Variants in DENND1B observed in about 807,000 individuals in gnomAD.
DENND1B encodes the protein DENN domain containing 1B, also known as DENN domain-containing protein 1B.
In DENND1B, 59 loss-of-function variants were observed where a neutral mutation model predicts 90.1. That is an observed-to-expected ratio of 0.65 (90% CI 0.53 to 0.81). The LOEUF is 0.81. Among genes scored for constraint, DENND1B ranks in the 40% least tolerant of loss-of-function variants. The pLI is 0.00. For missense variants in DENND1B, 862 were observed against 912.6 expected (o/e 0.94, Z 0.71); for synonymous variants, 337 against 324.6 (o/e 1.04, Z -0.41).
At chr1:197,722,404 T>C (rs1225014135) in intron 2 of DENND1B, among the ~76,000 whole-genome samples, 1 of 152,180 alleles carries the variant, frequency 6.6e-6, no homozygotes, top group Non-Finnish European at 1.5e-5. Flanking sequence ...TAAAATATGC[T>C]GCTGCAATTT....
rs1353117897 is a variant in DENND1B at position 197,681,953 on chromosome 1, GTTTT to G, written c.127-7788_127-7785del. On this transcript the variant is annotated intron_variant, in intron 3 of 22. Coordinates refer to ENST00000620048, the MANE Select transcript of DENND1B (RefSeq NM_001195215.2). ...GAGCAATAAATTATAATTAACCTTG[GTTTT>G]TTTGTTTTTGTTTTTGTTTTTGTTT... 4.6e-5 allele frequency among the ~76,000 whole-genome samples: 7 copies of G among 152,076 alleles called. No homozygotes were observed. In the East Asian group the frequency reaches 1.4e-3, roughly 29 times the overall value.
intron 2 of DENND1B, among the ~76,000 whole-genome samples, chr1:197,719,433 G>A (rs1211655623): frequency 6.6e-6 from 1 of 152,014 alleles, no homozygotes; most frequent in Non-Finnish European, 1.5e-5. Flanking sequence ...ATTGTTATAG[G>A]AAAAAGAGAA....
At chr1:197,771,321 G>C (rs981413950) in intron 2 of DENND1B, among the ~76,000 whole-genome samples, 11 of 152,164 alleles carry the variant, frequency 7.2e-5, no homozygotes, top group African/African-American at 2.7e-4. Context: ...GAATTAAATT[G>C]GAGCTGAAAA....
chr1:197,641,049 T>C (rs1263797745), intron 10 of DENND1B, among the ~76,000 whole-genome samples: 3 of 152,256 alleles, frequency 2.0e-5, no homozygotes, highest in Admixed American at 2.0e-4. Flanking sequence ...TTATCCATTA[T>C]GTAACCCTAG....
intron 2 of DENND1B, among the ~76,000 whole-genome samples, chr1:197,766,894 A>G (rs1465432447): frequency 1.3e-5 from 2 of 152,080 alleles, no homozygotes; most frequent in Non-Finnish European, 2.9e-5. Flanking sequence ...CCTGGGTTCA[A>G]GTGATTCTCC....
chr1:197,551,552 C>T (rs1462751498), intron 16 of DENND1B, among the ~76,000 whole-genome samples: 2 of 152,076 alleles, frequency 1.3e-5, no homozygotes, highest in Non-Finnish European at 2.9e-5. Context: ...GGCCCTCCCA[C>T]CAGAAAAGCC....
intron 20 of DENND1B, among the ~76,000 whole-genome samples, chr1:197,528,937 A>C (rs910209527): frequency 2.0e-5 from 3 of 152,000 alleles, no homozygotes; most frequent in African/African-American, 7.2e-5. Context: ...GTATGTGACT[A>C]TATTAAGTAA....
intron 12 of DENND1B, among the ~76,000 whole-genome samples, chr1:197,608,317 G>A (rs116567755): frequency 0.023 from 3,436 of 150,634 alleles, 56 homozygotes; most frequent in Non-Finnish European, 0.033. Context: ...CTACAGTGAG[G>A]ACAGATGATT....
At chr1:197,753,738 C>A (rs1478435747) in intron 2 of DENND1B, among the ~76,000 whole-genome samples, 3 of 152,076 alleles carry the variant, frequency 2.0e-5, no homozygotes, top group Non-Finnish European at 2.9e-5. Context: ...CGGTGGCTCA[C>A]GCCTATAATC....
intron 5 of DENND1B, among the ~76,000 whole-genome samples, chr1:197,661,780 G>C (rs1004103612): frequency 6.6e-6 from 1 of 151,822 alleles, no homozygotes; most frequent in African/African-American, 2.4e-5. Context: ...CTGGTTTTCT[G>C]AACTTTATAT....
chr1:197,707,881 C>T (rs1659757996), intron 3 of DENND1B, among the ~76,000 whole-genome samples: 1 of 149,112 alleles, frequency 6.7e-6, no homozygotes, highest in African/African-American at 2.4e-5. Flanking sequence ...GCACCGTGCG[C>T]GAGCCGAAGC....
rs1291838939 is a variant in DENND1B at position 197,645,748 on chromosome 1, T to A, written c.508-5A>T. On this transcript the variant is annotated splice_polypyrimidine_tract_variant and splice_region_variant and intron_variant, in intron 8 of 22. Transcript: ENST00000620048. ...AGGGGCAATGAAGTAGGAATGCTAA[T>A]CAATACAAATAAATCACATATGAAA... is the stretch of plus-strand genomic sequence containing the variant. 5 of 1,554,640 alleles carry A rather than the reference T, an allele frequency of 3.2e-6. No individual in the cohort carries two copies. Among genetic ancestry groups the A allele is most frequent in the Non-Finnish European group, 4.4e-6 (5 of 1,149,054 alleles).
chr1:197,688,483 T>C (rs1285751019), intron 3 of DENND1B, among the ~76,000 whole-genome samples: 3 of 151,992 alleles, frequency 2.0e-5, no homozygotes, highest in East Asian at 1.9e-4. Context: ...ATATAACCAA[T>C]GGAACAAAAT....
At chr1:197,716,641 A>C (rs915058996) in intron 2 of DENND1B, among the ~76,000 whole-genome samples, 3 of 151,906 alleles carry the variant, frequency 2.0e-5, no homozygotes, top group African/African-American at 7.2e-5. Context: ...ATTAAATGAA[A>C]GTTTTTATCT....
At chr1:197,693,827 A>G (rs925082470) in intron 3 of DENND1B, among the ~76,000 whole-genome samples, 6 of 151,486 alleles carry the variant, frequency 4.0e-5, no homozygotes, top group African/African-American at 1.5e-4. Flanking sequence ...TCCCCAGGGT[A>G]GAATAACCCC....
intron 18 of DENND1B, among the ~76,000 whole-genome samples, chr1:197,542,417 A>G (rs1222142907): frequency 6.6e-6 from 1 of 152,220 alleles, no homozygotes; most frequent in African/African-American, 2.4e-5. Flanking sequence ...TTTCTGTAGT[A>G]TGTTCAAAGT....
rs144246483 is a variant in DENND1B at position 197,511,803 on chromosome 1, T to C, written c.1740A>G (p.Ser580=). ...EILDTLSTHS[S]DQGKLAAAKS... is the part of the protein sequence containing the mutation. ...TTGCAGCTGCCAGCTTCCCCTGATC[T>C]GAGCTGTGTGTGCTCAATGTATCAA... is the stretch of plus-strand genomic sequence containing the variant. Residue 580 remains serine (S), a synonymous_variant, in exon 22 of 23, where the codon TCA becomes TCG. Coordinates refer to ENST00000620048, the MANE Select transcript of DENND1B (RefSeq NM_001195215.2). The C allele has an allele frequency of 7.6e-5, 123 of 1,611,188 alleles. 1 individual carries two copies. Among genetic ancestry groups the C allele is most frequent in the African/African-American group, 3.3e-4 (25 of 74,808 alleles).
chr1:197,637,210 C>G (rs750777597), intron 10 of DENND1B, among the ~76,000 whole-genome samples: 4 of 151,830 alleles, frequency 2.6e-5, no homozygotes, highest in Non-Finnish European at 4.4e-5. Context: ...CTAACATTAT[C>G]ACTGTCTGTA....
rs374443186 is a variant in DENND1B, at chr1:197,539,930, T to C, written c.1515+34A>G. The C allele has an allele frequency of 1.5e-5, 22 of 1,447,742 alleles. No homozygotes were observed. The East Asian group carries it at 3.9e-4, about 26-fold the overall frequency. 89.7% of individuals were successfully genotyped at this position (1,447,742 alleles called of 1,614,324 possible). ...TTACTGGAATTATATAATTTGAGAATGTGGGGGAATGAAGGGTAAATAACC... is the reference window on the plus strand; with the variant it reads ...TTACTGGAATTATATAATTTGAGAACGTGGGGGAATGAAGGGTAAATAACC... On this transcript the variant is annotated intron_variant, in intron 20 of 22. Coordinates refer to ENST00000620048, the MANE Select transcript of DENND1B (RefSeq NM_001195215.2).
Sources: gnomAD v4.1 joint callset for allele counts (sites outside exome capture counted in the v4.1 genomes callset) on GRCh38, gnomAD v4.1.1 for gene constraint, MANE v1.5 for transcripts, NCBI Gene and HGNC (gene_info 2026-07-23, HGNC 2026-07-21) for gene names.